Variants in ARID3A observed in about 807,000 individuals in gnomAD.
The protein encoded by ARID3A is AT-rich interactive domain-containing protein 3A.
A neutral mutation model predicts 52.7 loss-of-function variants in ARID3A; 11 were observed. The observed-to-expected ratio is 0.21, with a 90% CI of 0.13 to 0.35. The LOEUF is 0.35. Among genes scored for constraint, ARID3A ranks in the 10% least tolerant of loss-of-function variants. The pLI, the probability that ARID3A is intolerant of heterozygous loss-of-function variation, is 1.00. For missense variants in ARID3A, 721 were observed against 838.5 expected (o/e 0.86, Z 1.73); for synonymous variants, 404 against 359.4 (o/e 1.12, Z -1.40).
chr19:939,286 T>C (rs936700560), intron 3 of ARID3A, among the ~76,000 whole-genome samples: 1 of 151,908 alleles, frequency 6.6e-6, no homozygotes, highest in African/African-American at 2.4e-5. Flanking sequence ...ACCCAGCTTA[T>C]TTTTGTATTT....
intron 3 of ARID3A, among the ~76,000 whole-genome samples, chr19:936,055 G>T (rs1022186309): frequency 6.6e-6 from 1 of 152,236 alleles, no homozygotes; most frequent in East Asian, 1.9e-4. Flanking sequence ...CTCCCAAAGC[G>T]CTGGGATTAA....
chr19:965,851 G>A (rs1912684436), intron 6 of ARID3A, among the ~76,000 whole-genome samples: 2 of 151,952 alleles, frequency 1.3e-5, no homozygotes, highest in African/African-American at 4.8e-5. Flanking sequence ...AATTAGCCGG[G>A]TGTGGTGGCA....
rs1166061289 is a variant in ARID3A at position 975,139 on chromosome 19, T to C, written c.*3074T>C. 1 of 230,892 alleles carries C rather than the reference T, an allele frequency of 4.3e-6. No homozygotes were observed. Among genetic ancestry groups the C allele is most frequent in the African/African-American group, 2.2e-5 (1 of 45,126 alleles). The allele number at this position is 230,892 out of a possible 1,614,324, so 14.3% of individuals were successfully genotyped here. A position where few individuals can be genotyped will look rare whatever the true frequency, so the allele number is the denominator to read the frequency against. ...TGGGGTGCAGCTCAGCACCCCCCCT[T>C]ATGCAGACTGGGAGGGGGTCGGGCA... On this transcript the variant is annotated 3_prime_UTR_variant, in exon 9 of 9. Coordinates refer to ENST00000263620, the MANE Select transcript of ARID3A (RefSeq NM_005224.3).
intron 3 of ARID3A, among the ~76,000 whole-genome samples, chr19:935,269 G>C (rs1031956559): frequency 1.3e-5 from 2 of 152,230 alleles, no homozygotes; most frequent in African/African-American, 4.8e-5. Context: ...CGGGGGGCCG[G>C]GCGCAGCAGG....
At chr19:927,213 C>T (rs1456190918) in intron 1 of ARID3A, among the ~76,000 whole-genome samples, 5 of 152,154 alleles carry the variant, frequency 3.3e-5, no homozygotes, top group Admixed American at 3.3e-4. Flanking sequence ...TCCCTCCGCC[C>T]CCCACCCCTG....
chr19:929,660 CGAG>C lies in ARID3A; in HGVS notation c.135_137del (p.Glu45del). On this transcript the variant is annotated inframe_deletion, in exon 2 of 9. Coordinates refer to ENST00000263620, the MANE Select transcript of ARID3A (RefSeq NM_005224.3). This position sits in a 1 kb window ranked among gnomAD's most constrained non-coding sequence, Gnocchi z 6.2. The stretch of plus-strand genomic sequence containing the variant: ...CCGGCCGGGCCCGGGCTGCCCCCGA[CGAG>C]GACAGAGAGCCCGAGAGTGCCCGGA... 1 of 1,546,864 alleles carries C rather than the reference CGAG, an allele frequency of 6.5e-7. No individual in the cohort carries two copies. The highest frequency in any genetic ancestry group is 1.4e-5 in the African/African-American group (1 of 73,866).
intron 1 of ARID3A, among the ~76,000 whole-genome samples, chr19:927,166 C>G (rs1028845825): frequency 1.3e-5 from 2 of 152,254 alleles, no homozygotes; most frequent in South Asian, 4.1e-4. Flanking sequence ...GGTGACCTCT[C>G]TCCGGAGGCC....
chr19:946,422 C>G (rs1337411746), intron 3 of ARID3A, among the ~76,000 whole-genome samples: 2 of 146,034 alleles, frequency 1.4e-5, no homozygotes, highest in African/African-American at 5.1e-5. Context: ...CCACCACGCC[C>G]GGCTAATTTT....
In ARID3A at chr19:960,659, C is replaced by G. The variant is rs554263313; in HGVS notation, c.766+495C>G. 7.9e-5 allele frequency among the ~76,000 whole-genome samples: 12 copies of G among 152,188 alleles called. No homozygotes were observed. Among genetic ancestry groups the G allele is most frequent in the Admixed American group, 2.0e-4 (3 of 15,280 alleles). ...ATGCGACATTTGAGTCCTGGCCCCT[C>G]CCCTCTTCCCACCAGGGCCTCAGTT... On this transcript the variant is annotated intron_variant, in intron 4 of 8. Transcript: ENST00000263620. The surrounding 1 kb of genome is among the most constrained non-coding windows in gnomAD (Gnocchi z 4.3).
intron 3 of ARID3A, among the ~76,000 whole-genome samples, chr19:943,267 AG>A (rs1800674059): frequency 1.3e-5 from 2 of 151,002 alleles, no homozygotes; most frequent in African/African-American, 2.4e-5. Context: ...TGTCAAAAAA[AG>A]AAAAAAAAAA....
Position 958,846 on chromosome 19 carries a change from T to TCG in ARID3A, c.694-1246_694-1245insCG, listed in dbSNP as rs2037980645. On this transcript the variant is annotated intron_variant, in intron 3 of 8. Transcript: ENST00000263620. Reference sequence around the variant, plus strand: ...AGGCGGAGGTTGCGGTGAGCCGAGATTGCACCCCTGCACTCCAGCCTGGGG... The same window carrying TCG: ...AGGCGGAGGTTGCGGTGAGCCGAGATCGTGCACCCCTGCACTCCAGCCTGGGG... Among the ~76,000 whole-genome samples the TCG allele has an allele frequency of 3.3e-5, 5 of 151,854 alleles. No individual in the cohort carries two copies. The South Asian group carries it at 8.4e-4, about 25-fold the overall frequency.
rs143849709 is a variant in ARID3A at position 944,101 on chromosome 19, T to C, written c.693+11359T>C. On this transcript the variant is annotated intron_variant, in intron 3 of 8. Transcript: ENST00000263620. The surrounding 1 kb of genome is among the most constrained non-coding windows in gnomAD (Gnocchi z 5.9). ...GACCCTCTCATGGGCACCTACAGGGTACCTGCTGTATGCCAGCCTGACCCT... is the reference window on the plus strand; with the variant it reads ...GACCCTCTCATGGGCACCTACAGGGCACCTGCTGTATGCCAGCCTGACCCT... Among the ~76,000 whole-genome samples the C allele has an allele frequency of 0.021, 2,288 of 111,206 alleles. 57 individuals carry two copies. Among genetic ancestry groups the C allele is most frequent in the African/African-American group, 0.072 (2,083 of 29,008 alleles). 73.0% of individuals were successfully genotyped at this position (111,206 alleles called of 152,430 possible).
chr19:938,098 C>G lies in ARID3A; in HGVS notation c.693+5356C>G, dbSNP rs925653653. ...ACCTCAGGTGATCCTCACACCTCAG[C>G]GTCCCAGAGTGCTGGGATCACAGAC... On this transcript the variant is annotated intron_variant, in intron 3 of 8. Coordinates refer to ENST00000263620, the MANE Select transcript of ARID3A (RefSeq NM_005224.3). The surrounding 1 kb of genome is among the most constrained non-coding windows in gnomAD (Gnocchi z 4.0). Among the ~76,000 whole-genome samples, 1 of 152,092 alleles carries G rather than the reference C, an allele frequency of 6.6e-6. No individual in the cohort carries two copies. Among genetic ancestry groups the G allele is most frequent in the Non-Finnish European group, 1.5e-5 (1 of 68,018 alleles).
At chr19:926,150 C>T (rs2037191048) in intron 1 of ARID3A, 91 bp downstream of exon 1, 1 of 150,618 alleles carries the variant, frequency 6.6e-6, no homozygotes, top group Admixed American at 6.6e-5. Context: ...CCCGGGCAGG[C>T]CGACCCCAGG....
In ARID3A at chr19:941,436, G is replaced by A. The variant is rs983304763; in HGVS notation, c.693+8694G>A. Reference sequence around the variant, plus strand: ...GCACCCAGCCAGCGGCACCTCACGCGCCCGCCTGCGTGTCCCCAGCCAGCA... The same window carrying A: ...GCACCCAGCCAGCGGCACCTCACGCACCCGCCTGCGTGTCCCCAGCCAGCA... On this transcript the variant is annotated intron_variant, in intron 3 of 8. Coordinates refer to ENST00000263620, the MANE Select transcript of ARID3A (RefSeq NM_005224.3). This position sits in a 1 kb window ranked among gnomAD's most constrained non-coding sequence, Gnocchi z 6.9. Among the ~76,000 whole-genome samples the A allele has an allele frequency of 1.3e-5, 2 of 152,170 alleles. No homozygotes were observed. Among genetic ancestry groups the A allele is most frequent in the Non-Finnish European group, 2.9e-5 (2 of 68,020 alleles).
Position 929,484 on chromosome 19 carries a change from G to T in ARID3A, c.-45G>T. On this transcript the variant is annotated 5_prime_UTR_variant, in exon 2 of 9. Transcript: ENST00000263620. This position sits in a 1 kb window ranked among gnomAD's most constrained non-coding sequence, Gnocchi z 6.2. ...CCCGCCGCCCACCCCTAGCGCCCGT[G>T]GTGGTGGTGGTGGTGGTGGTGGTGG... 1 of 1,064,428 alleles carries T rather than the reference G, an allele frequency of 9.4e-7. No individual in the cohort carries two copies. The highest frequency in any genetic ancestry group is 4.4e-5 in the East Asian group (1 of 22,658). The allele number at this position is 1,064,428 out of a possible 1,614,324, so 65.9% of individuals were successfully genotyped here. A position where few individuals can be genotyped will look rare whatever the true frequency, so the allele number is the denominator to read the frequency against.
rs972553103 is a variant in ARID3A at position 947,766 on chromosome 19, G to A, written c.694-12326G>A. 2.6e-5 allele frequency among the ~76,000 whole-genome samples: 4 copies of A among 152,222 alleles called. No homozygotes were observed. The highest frequency in any genetic ancestry group is 4.8e-5 in the African/African-American group (2 of 41,446). On this transcript the variant is annotated intron_variant, in intron 3 of 8. Transcript: ENST00000263620. This position sits in a 1 kb window ranked among gnomAD's most constrained non-coding sequence, Gnocchi z 6.3. ...TTAATATCCGCCCCGTGGGTGCGGC[G>A]CTGTGTATTTCCAGAGAGGGGACTC...
chr19:970,506 T>C (rs79049831), intron 8 of ARID3A, among the ~76,000 whole-genome samples: 15,059 of 134,624 alleles, frequency 0.11, 1,179 homozygotes, highest in East Asian at 0.4. Flanking sequence ...TTCTTTTTTT[T>C]TTTTTTTTTT....
intron 4 of ARID3A, among the ~76,000 whole-genome samples, chr19:962,409 A>G (rs1242151543): frequency 6.6e-6 from 1 of 151,090 alleles, no homozygotes; most frequent in African/African-American, 2.4e-5. Flanking sequence ...TCTGGGCCCC[A>G]CGACGGGCCC....
Sources: allele counts gnomAD v4.1 joint callset (sites outside exome capture counted in the v4.1 genomes callset), GRCh38; gene constraint gnomAD v4.1.1; non-coding constraint Gnocchi (gnomAD v3.1); transcripts MANE v1.5; gene names NCBI Gene and HGNC (gene_info 2026-07-23, HGNC 2026-07-21).